The following CEP104 variants were observed in gnomAD, a reference collection of about 807,000 sequenced individuals.
CEP104 encodes the protein centrosomal protein of 104 kDa.
CEP104 carries 84 observed loss-of-function variants against 113.3 expected under a neutral mutation model. The ratio of observed to expected loss-of-function variants is 0.74; its 90% CI spans 0.62 to 0.89. The LOEUF (loss-of-function observed/expected upper bound fraction) is 0.89, where lower values mean the gene tolerates loss of function less well. CEP104 is among the 40% of genes least tolerant of loss of function. The probability of loss-of-function intolerance (pLI) is 0.00; values close to 1 mark genes in which losing one functional copy is unlikely to be tolerated. For synonymous variants in CEP104, 378 were observed against 421.7 expected (o/e 0.90, Z 1.27); for missense variants, 1,053 against 1,156.6 (o/e 0.91, Z 1.30).
At chr1:3,818,796 T>C (rs979055956) in intron 20 of CEP104, among the ~76,000 whole-genome samples, 1 of 152,254 alleles carries the variant, frequency 6.6e-6, no homozygotes, top group East Asian at 1.9e-4. Context: ...TCACGATGCT[T>C]AACTCCAGAA....
chr1:3,840,536 C>G (rs562618192), intron 6 of CEP104, among the ~76,000 whole-genome samples: 3 of 152,060 alleles, frequency 2.0e-5, no homozygotes, highest in African/African-American at 7.2e-5. Context: ...CTGCGCCCAG[C>G]CTGTATTTTT....
At chr1:3,827,078 G>C (rs974938070) in intron 15 of CEP104, among the ~76,000 whole-genome samples, 12 of 152,136 alleles carry the variant, frequency 7.9e-5, no homozygotes, top group African/African-American at 2.9e-4. Flanking sequence ...CTTGAGCCTG[G>C]GAGGTGGAGG....
chr1:3,813,273 C>T lies in CEP104; in HGVS notation c.*2129G>A, dbSNP rs1287353783. On this transcript the variant is annotated 3_prime_UTR_variant, in exon 22 of 22. Transcript: ENST00000378230. ...CTTATACTTTTTTTTTTTTTCGAGA[C>T]GGAGTCTCGCTCTGTCGCCTGGGCT... 12 of 144,158 alleles carry T rather than the reference C, an allele frequency of 8.3e-5. No individual in the cohort carries two copies. The highest frequency in any genetic ancestry group is 2.2e-4 in the South Asian group (1 of 4,630). The allele number at this position is 144,158 out of a possible 1,614,324, so 8.9% of individuals were successfully genotyped here. A position where few individuals can be genotyped will look rare whatever the true frequency, so the allele number is the denominator to read the frequency against.
At chr1:3,840,435 A>G (rs1175700924) in intron 6 of CEP104, among the ~76,000 whole-genome samples, 1 of 152,042 alleles carries the variant, frequency 6.6e-6, no homozygotes, top group Non-Finnish European at 1.5e-5. Flanking sequence ...ACGGGTTTTC[A>G]TCATGTTGGC....
At chr1:3,838,673 AT>A (rs996144973) in intron 8 of CEP104, among the ~76,000 whole-genome samples, 1 of 152,196 alleles carries the variant, frequency 6.6e-6, no homozygotes, top group African/African-American at 2.4e-5. Flanking sequence ...CCTTTTCCAA[AT>A]AAGGAAGCAG....
chr1:3,853,329 G>A (rs1644652157), intron 1 of CEP104, among the ~76,000 whole-genome samples: 1 of 152,046 alleles, frequency 6.6e-6, no homozygotes, highest in Admixed American at 6.6e-5. Flanking sequence ...CAGGGACTCT[G>A]GGTTACTTTT....
chr1:3,826,620 T>G, intron 16 of CEP104, 88 bp downstream of exon 16: 1 of 1,492,244 alleles, frequency 6.7e-7, no homozygotes, highest in Non-Finnish European at 9.3e-7. Flanking sequence ...ACAGAAGCCG[T>G]TCCCACATGG....
At chr1:3,821,922 T>C (rs1362134407) in intron 20 of CEP104, among the ~76,000 whole-genome samples, 1 of 152,202 alleles carries the variant, frequency 6.6e-6, no homozygotes, top group Non-Finnish European at 1.5e-5. Context: ...GGTAATCAGA[T>C]GCTTCTGACC....
intron 8 of CEP104, 76 bp from the exon 9 acceptor site, chr1:3,837,595 A>G: frequency 7.8e-7 from 1 of 1,277,104 alleles, no homozygotes; most frequent in Non-Finnish European, 1.1e-6. Flanking sequence ...CCTTCAGATG[A>G]ATAAGACTTT....
At position 3,852,309 on chromosome 1, in the gene CEP104, C is replaced by G; in HGVS notation, c.99G>C (p.Gly33=). The G allele has an allele frequency of 1.9e-6, 3 of 1,613,816 alleles. No individual in the cohort carries two copies. The highest frequency in any genetic ancestry group is 2.5e-6 in the Non-Finnish European group (3 of 1,179,952). The change falls in exon 2 of 22, where the codon GGG becomes GGC. Residue 33 remains glycine, a synonymous_variant. Transcript: ENST00000378230. ...CCAGTCCTCACCTAGGTGACCGCCA[C>G]CCACTGACAGTTGGCGCGTGGATCA... ...ELMIHAPTVS[G]WRSPRFCQFP... is the part of the protein sequence containing the mutation.
chr1:3,836,435 T>C, intron 10 of CEP104, 60 bp downstream of exon 10: 1 of 1,545,770 alleles, frequency 6.5e-7, no homozygotes, highest in Non-Finnish European at 8.7e-7. Flanking sequence ...GAGGTGTGCG[T>C]ACCATATAGA....
Position 3,814,557 on chromosome 1 carries a change from T to C in CEP104, c.*845A>G, listed in dbSNP as rs1643844932. On this transcript the variant is annotated 3_prime_UTR_variant, in exon 22 of 22. Coordinates refer to ENST00000378230, the MANE Select transcript of CEP104 (RefSeq NM_014704.4). The stretch of plus-strand genomic sequence containing the variant: ...CTGCTGTGAACACAGGGTGATCAGG[T>C]GGAAATTCATTTAACAGTGACTTCC... 1 of 152,258 alleles carries C rather than the reference T, an allele frequency of 6.6e-6. No individual in the cohort carries two copies. Among genetic ancestry groups the C allele is most frequent in the Admixed American group, 6.5e-5 (1 of 15,302 alleles). 9.4% of individuals were successfully genotyped at this position (152,258 alleles called of 1,614,324 possible). A position where few individuals can be genotyped will look rare whatever the true frequency, so the allele number is the denominator to read the frequency against.
Position 3,847,416 on chromosome 1 carries a change from C to T in CEP104, c.426+59G>A, listed in dbSNP as rs1013928142. The stretch of plus-strand genomic sequence containing the variant: ...ATGCATCTAAGAAAAGATACGTGAC[C>T]ACATAATCCCACAAAGAAGGTAGGG... On this transcript the variant is annotated intron_variant, in intron 4 of 21. Coordinates refer to ENST00000378230, the MANE Select transcript of CEP104 (RefSeq NM_014704.4). The T allele has an allele frequency of 8.9e-6, 13 of 1,456,318 alleles. No individual in the cohort carries two copies. The Admixed American group carries it at 2.9e-4, about 32-fold the overall frequency. 90.2% of individuals were successfully genotyped at this position (1,456,318 alleles called of 1,614,324 possible).
At chr1:3,835,121 C>A (rs1193854416) in intron 10 of CEP104, 29 bp from the exon 11 acceptor site, 1 of 1,598,946 alleles carries the variant, frequency 6.3e-7, no homozygotes, top group South Asian at 1.1e-5. Context: ...CATTTCATGG[C>A]ATCACACAAC....
At chr1:3,830,118 T>C in intron 13 of CEP104, 121 bp from the exon 14 acceptor site, 2 of 699,500 alleles carry the variant, frequency 2.9e-6, no homozygotes, top group South Asian at 1.8e-5. Context: ...TATTAAGTAT[T>C]ATGAAATACT....
At chr1:3,851,675 C>T (rs1174805912) in intron 2 of CEP104, among the ~76,000 whole-genome samples, 4 of 152,180 alleles carry the variant, frequency 2.6e-5, no homozygotes, top group African/African-American at 9.7e-5. Context: ...TGTTTTGAGA[C>T]AGCATCTTAC....
At chr1:3,840,501 G>C (rs1644392978) in intron 6 of CEP104, among the ~76,000 whole-genome samples, 1 of 152,088 alleles carries the variant, frequency 6.6e-6, no homozygotes. Flanking sequence ...GCCTCCCAAA[G>C]TGTTGGGATT....
At chr1:3,828,590 C>T (rs961842097) in intron 15 of CEP104, among the ~76,000 whole-genome samples, 3 of 152,206 alleles carry the variant, frequency 2.0e-5, no homozygotes, top group African/African-American at 7.2e-5. Context: ...ACGTGGGCTG[C>T]AGGCCTGAGG....
intron 8 of CEP104, among the ~76,000 whole-genome samples, chr1:3,837,997 T>C (rs192097418): frequency 1.3e-5 from 2 of 152,278 alleles, no homozygotes; most frequent in Non-Finnish European, 2.9e-5. Context: ...TGGTACTGAG[T>C]GTTTTGGACA....
Sources: allele counts gnomAD v4.1 joint callset (sites outside exome capture counted in the v4.1 genomes callset), GRCh38; gene constraint gnomAD v4.1.1; transcripts MANE v1.5; gene names NCBI Gene and HGNC (gene_info 2026-07-23, HGNC 2026-07-21).